DMXL1: variants seen among roughly 807,000 people sequenced by gnomAD.
DMXL1 encodes dmX-like protein 1.
Under a neutral mutation model 319.2 loss-of-function variants are expected in DMXL1, and 99 were observed. The ratio of observed to expected loss-of-function variants is 0.31; its 90% CI spans 0.26 to 0.37. The LOEUF (loss-of-function observed/expected upper bound fraction) is 0.37. DMXL1 is among the 10% of genes least tolerant of loss of function. The pLI is 1.00. For missense variants in DMXL1, 3,745 were observed against 3,595.6 expected, an observed-to-expected ratio of 1.04 and a Z score of -1.06; for synonymous variants, 1,385 against 1,235.2, an observed-to-expected ratio of 1.12 and a Z score of -2.54.
chr5:119,144,451 C>T, intron 14 of DMXL1, 85 bp from the exon 15 acceptor site: 1 of 977,518 alleles, frequency 1.0e-6, no homozygotes, highest in East Asian at 2.5e-5. Context: ...TTAAATATCT[C>T]ATTATGAAGT....
At chr5:119,090,920 C>T (rs1463081411) in intron 1 of DMXL1, among the ~76,000 whole-genome samples, 2 of 151,832 alleles carry the variant, frequency 1.3e-5, no homozygotes, top group Non-Finnish European at 1.5e-5. Flanking sequence ...CTTTCTTCTG[C>T]TTGATCCATT....
At chr5:119,190,758 T>C (rs931221712) in intron 29 of DMXL1, among the ~76,000 whole-genome samples, 7 of 152,326 alleles carry the variant, frequency 4.6e-5, no homozygotes, top group East Asian at 1.9e-4. Context: ...AGTGAACTTA[T>C]AAATGTAGAA....
At chr5:119,207,133 A>G (rs901670344) in intron 34 of DMXL1, among the ~76,000 whole-genome samples, 1 of 152,180 alleles carries the variant, frequency 6.6e-6, no homozygotes, top group African/African-American at 2.4e-5. Flanking sequence ...TTTGGCTACA[A>G]ATTTTTCTGA....
intron 32 of DMXL1, 111 bp from the exon 33 acceptor site, chr5:119,203,208 A>G: frequency 1.5e-6 from 1 of 650,184 alleles, no homozygotes. Flanking sequence ...CTCCAGTCAT[A>G]CAGTCTGATT....
chr5:119,165,990 A>G (rs182334966), intron 21 of DMXL1, among the ~76,000 whole-genome samples: 80 of 152,310 alleles, frequency 5.3e-4, no homozygotes, highest in African/African-American at 1.9e-3. Flanking sequence ...TTACCTCTGC[A>G]CTATGGGCCA....
intron 28 of DMXL1, among the ~76,000 whole-genome samples, chr5:119,184,580 G>T (rs1347836393): frequency 6.6e-6 from 1 of 152,142 alleles, no homozygotes; most frequent in East Asian, 1.9e-4. Flanking sequence ...CTATCATGTG[G>T]TGAAACAAAT....
intron 1 of DMXL1, among the ~76,000 whole-genome samples, chr5:119,076,862 A>G (rs1261039491): frequency 1.3e-5 from 2 of 152,238 alleles, no homozygotes; most frequent in Non-Finnish European, 2.9e-5. Flanking sequence ...TTGATAGCAC[A>G]CATGTGACTC....
At chr5:119,082,154 C>G (rs959739345) in intron 1 of DMXL1, among the ~76,000 whole-genome samples, 1 of 151,818 alleles carries the variant, frequency 6.6e-6, no homozygotes, top group Non-Finnish European at 1.5e-5. Context: ...CAGTGTTTCC[C>G]AGGCTGCAGT....
At chr5:119,181,839 A>T (rs1308670042) in intron 28 of DMXL1, among the ~76,000 whole-genome samples, 1 of 151,704 alleles carries the variant, frequency 6.6e-6, no homozygotes, top group East Asian at 1.9e-4. Context: ...GAGCAGGCAG[A>T]AAGAGGAAAG....
Position 119,170,589 on chromosome 5 carries a change from G to C in DMXL1, c.5798G>C (p.Gly1933Ala), listed in dbSNP as rs754689697. 2.5e-6 allele frequency: 4 copies of C among 1,613,506 alleles called. No individual in the cohort carries two copies. The highest frequency in any genetic ancestry group is 3.3e-5 in the Admixed American group (2 of 59,932). The change falls in exon 24 of 44, where the codon GGA becomes GCA. Residue 1933 changes from glycine to alanine, a missense_variant. Gly to Ala is a moderately conservative substitution (Grantham distance 60). Transcript: ENST00000539542. ...TCACAGTCACTGATAAATGGTTTTG[G>C]ATCTTCTTCAGAGGGTTCCTCAGAG... ...DWSQSLINGF[G>A]SSSEGSSEKQ...
chr5:119,084,585 T>C (rs1232691444), intron 1 of DMXL1, among the ~76,000 whole-genome samples: 3 of 152,132 alleles, frequency 2.0e-5, no homozygotes, highest in South Asian at 2.1e-4. Flanking sequence ...GATCCTTGGC[T>C]GGGTGCTGTG....
intron 42 of DMXL1, among the ~76,000 whole-genome samples, chr5:119,243,423 A>C (rs1280534589): frequency 6.6e-6 from 1 of 152,134 alleles, no homozygotes; most frequent in Non-Finnish European, 1.5e-5. Flanking sequence ...CCACACAGAA[A>C]CCAGGATTGA....
At position 119,170,250 on chromosome 5, in the gene DMXL1, A is replaced by G. The variant is rs771562536; in HGVS notation, c.5459A>G (p.His1820Arg). 16 of 1,613,202 alleles carry G rather than the reference A, an allele frequency of 9.9e-6. No individual in the cohort carries two copies. In the East Asian group the frequency reaches 3.3e-4, roughly 34 times the overall value. Reference protein sequence around the residue: ...VFNFYNYLRTHPLLLRRHFGS... With the variant: ...VFNFYNYLRTRPLLLRRHFGS... ...AATTTCTACAATTATCTAAGAACAC[A>G]TCCTCTTTTGCTGAGACGTCATTTT... Residue 1820 changes from histidine (H) to arginine (R), a missense_variant, in exon 24 of 44, where the codon CAT (histidine) becomes CGT (arginine). Transcript: ENST00000539542.
chr5:119,160,902 A>G (rs529197513), intron 19 of DMXL1, among the ~76,000 whole-genome samples: 17 of 152,142 alleles, frequency 1.1e-4, no homozygotes, highest in Non-Finnish European at 2.2e-4. Flanking sequence ...ATTTTCCTCT[A>G]TATATTCAGG....
chr5:119,142,735 G>A (rs1767683091), intron 13 of DMXL1, among the ~76,000 whole-genome samples: 1 of 151,958 alleles, frequency 6.6e-6, no homozygotes, highest in African/African-American at 2.4e-5. Flanking sequence ...GCACATGCAG[G>A]CAAATGTTCA....
intron 33 of DMXL1, among the ~76,000 whole-genome samples, chr5:119,205,238 A>C (rs1781543840): frequency 6.6e-6 from 1 of 152,270 alleles, no homozygotes; most frequent in East Asian, 1.9e-4. Context: ...TGGGAAATGA[A>C]GTAGTTCTGA....
At chr5:119,123,492 A>G (rs1303966209) in intron 9 of DMXL1, among the ~76,000 whole-genome samples, 1 of 151,252 alleles carries the variant, frequency 6.6e-6, no homozygotes, top group Non-Finnish European at 1.5e-5. Context: ...CCTATTTTTC[A>G]TTGTAGCAAG....
chr5:119,141,083 T>G (rs370749770), intron 13 of DMXL1, among the ~76,000 whole-genome samples: 330 of 152,316 alleles, frequency 2.2e-3, no homozygotes, highest in African/African-American at 7.6e-3. Context: ...CTCAATAAAC[T>G]AGGTGTTGAA....
intron 19 of DMXL1, among the ~76,000 whole-genome samples, chr5:119,163,817 C>T (rs1003243019): frequency 1.3e-5 from 2 of 152,116 alleles, no homozygotes; most frequent in African/African-American, 2.4e-5. Context: ...CCTCGTGATC[C>T]GCCCGCCTCG....
Sources: gnomAD v4.1 joint callset for allele counts (sites outside exome capture counted in the v4.1 genomes callset) on GRCh38, gnomAD v4.1.1 for gene constraint, MANE v1.5 for transcripts, NCBI Gene and HGNC (gene_info 2026-07-23, HGNC 2026-07-21) for gene names.